POU6F2: variants seen among roughly 807,000 people sequenced by gnomAD.
POU6F2 encodes POU domain, class 6, transcription factor 2.
Under a neutral mutation model 71.3 loss-of-function variants are expected in POU6F2, and 31 were observed. The ratio of observed to expected loss-of-function variants is 0.43; its 90% CI spans 0.33 to 0.59. The LOEUF is 0.59. POU6F2 is among the 20% of genes least tolerant of loss of function. POU6F2 has a pLI of 0.04. For synonymous variants in POU6F2, 347 were observed against 355.7 expected (o/e 0.98, Z 0.27); for missense variants, 783 against 856.8 (o/e 0.91, Z 1.07).
At chr7:39,167,032 C>A (rs1248927432) in intron 2 of POU6F2, among the ~76,000 whole-genome samples, 1 of 152,138 alleles carries the variant, frequency 6.6e-6, no homozygotes, top group Non-Finnish European at 1.5e-5. Flanking sequence ...TTTCCTCACA[C>A]CTCACACCCC....
chr7:39,337,001 T>A (rs1044433143), intron 4 of POU6F2, among the ~76,000 whole-genome samples: 14 of 152,182 alleles, frequency 9.2e-5, no homozygotes, highest in Non-Finnish European at 1.6e-4. Context: ...CTTGTGTAAA[T>A]CCCATCCGAT....
intron 1 of POU6F2, among the ~76,000 whole-genome samples, chr7:39,054,395 A>G (rs919292076): frequency 2.6e-5 from 4 of 152,158 alleles, no homozygotes; most frequent in Admixed American, 2.6e-4. Flanking sequence ...GCCACAGGAA[A>G]TTTAAGCAAC....
At chr7:38,988,915 T>C (rs567206111) in intron 1 of POU6F2, among the ~76,000 whole-genome samples, 1 of 152,250 alleles carries the variant, frequency 6.6e-6, no homozygotes, top group African/African-American at 2.4e-5. Context: ...TACAGCAACA[T>C]CTCATTTACT....
intron 2 of POU6F2, among the ~76,000 whole-genome samples, chr7:39,099,331 G>A (rs1338590808): frequency 6.6e-6 from 1 of 152,242 alleles, no homozygotes; most frequent in African/African-American, 2.4e-5. Context: ...TACCCTGGGG[G>A]CAGCCTGCCT....
chr7:39,278,337 G>T lies in POU6F2; in HGVS notation c.599-61305G>T, dbSNP rs181323426. On this transcript the variant is annotated intron_variant, in intron 4 of 9. Coordinates refer to ENST00000518318, the MANE Select transcript of POU6F2 (RefSeq NM_001370959.1). ...GACACAAACCAATGGCATTGAGCCT[G>T]TTTATGGTCACCTTCTGCATGGTGT... Among the ~76,000 whole-genome samples, 17 of 152,258 alleles carry T rather than the reference G, an allele frequency of 1.1e-4. No individual in the cohort carries two copies. In the East Asian group the frequency reaches 3.3e-3, roughly 29 times the overall value.
intron 4 of POU6F2, among the ~76,000 whole-genome samples, chr7:39,226,499 A>G (rs1340790117): frequency 6.6e-6 from 1 of 152,240 alleles, no homozygotes; most frequent in East Asian, 1.9e-4. Flanking sequence ...GCAACACAGA[A>G]GCTTCTCCTT....
intron 4 of POU6F2, among the ~76,000 whole-genome samples, chr7:39,259,182 CACAAT>C (rs1784085999): frequency 6.6e-6 from 1 of 152,194 alleles, no homozygotes; most frequent in African/African-American, 2.4e-5. Context: ...CTGCCTCCAT[CACAAT>C]ACATTTTATA....
intron 4 of POU6F2, among the ~76,000 whole-genome samples, chr7:39,295,202 A>C (rs1784824254): frequency 6.6e-6 from 1 of 151,480 alleles, no homozygotes; most frequent in Non-Finnish European, 1.5e-5. Context: ...CACAGTTATC[A>C]GAGTCCTAAA....
At chr7:39,251,233 T>C (rs527319174) in intron 4 of POU6F2, among the ~76,000 whole-genome samples, 2 of 152,246 alleles carry the variant, frequency 1.3e-5, no homozygotes, top group Non-Finnish European at 2.9e-5. Flanking sequence ...GGCTGCCTGC[T>C]TTTTGTGATC....
chr7:39,246,598 G>A (rs569889027), intron 4 of POU6F2, among the ~76,000 whole-genome samples: 1 of 152,174 alleles, frequency 6.6e-6, no homozygotes. Flanking sequence ...TGGGATAAAA[G>A]AACAACCTAA....
chr7:39,226,601 A>G (rs577915075), intron 4 of POU6F2, among the ~76,000 whole-genome samples: 39 of 152,316 alleles, frequency 2.6e-4, no homozygotes, highest in African/African-American at 9.4e-4. Flanking sequence ...TTCACTTTAA[A>G]CCATTTTTTT....
Position 39,349,361 on chromosome 7 carries a change from C to T in POU6F2, c.972+9346C>T, listed in dbSNP as rs78749327. The stretch of plus-strand genomic sequence containing the variant: ...CCATTGTCTCTAGTGCTCACACAAC[C>T]GGAGTCCTGCCTCCTCATGCCACAG... On this transcript the variant is annotated intron_variant, in intron 5 of 9. Coordinates refer to ENST00000518318, the MANE Select transcript of POU6F2 (RefSeq NM_001370959.1). Among the ~76,000 whole-genome samples, 625 of 152,232 alleles carry T rather than the reference C, an allele frequency of 4.1e-3. 39 individuals are homozygous for T. The East Asian group carries it at 0.11, about 27-fold the overall frequency.
intron 4 of POU6F2, among the ~76,000 whole-genome samples, chr7:39,246,271 G>A (rs899704854): frequency 6.6e-6 from 1 of 152,174 alleles, no homozygotes; most frequent in Non-Finnish European, 1.5e-5. Context: ...ACCAAGGAAG[G>A]CCTGGTTTCT....
intron 2 of POU6F2, among the ~76,000 whole-genome samples, chr7:39,093,429 A>G (rs17171536): frequency 0.042 from 6,428 of 152,166 alleles, 446 homozygotes; most frequent in African/African-American, 0.14. Flanking sequence ...TTTAGCTCAC[A>G]AATGAAGTAG....
chr7:39,438,780 T>G (rs1362330625), intron 7 of POU6F2, among the ~76,000 whole-genome samples: 1 of 152,236 alleles, frequency 6.6e-6, no homozygotes, highest in Non-Finnish European at 1.5e-5. Context: ...CTTCCAATTA[T>G]GTGGTTGATT....
chr7:39,211,552 G>A lies in POU6F2; in HGVS notation c.598+3932G>A, dbSNP rs535429240. Among the ~76,000 whole-genome samples the A allele has an allele frequency of 2.0e-5, 3 of 152,238 alleles. No individual in the cohort carries two copies. In the South Asian group the frequency reaches 6.2e-4, roughly 32 times the overall value. On this transcript the variant is annotated intron_variant, in intron 4 of 9. Transcript: ENST00000518318. The stretch of plus-strand genomic sequence containing the variant: ...AGCAGAAAACCTGTATGTGTGGCCT[G>A]GGAATTATTTTATCTTTCTCTCAGA...
At chr7:39,127,699 G>A (rs1584556223) in intron 2 of POU6F2, among the ~76,000 whole-genome samples, 1 of 152,036 alleles carries the variant, frequency 6.6e-6, no homozygotes, top group African/African-American at 2.4e-5. Flanking sequence ...GAGAGATTGA[G>A]TCACGTGGAG....
chr7:39,396,726 C>G (rs2115853729), intron 5 of POU6F2, among the ~76,000 whole-genome samples: 1 of 152,278 alleles, frequency 6.6e-6, no homozygotes, highest in East Asian at 1.9e-4. Flanking sequence ...GGCCTCAAAG[C>G]AGCAGCACTT....
chr7:38,993,813 G>A (rs777037394), intron 1 of POU6F2, among the ~76,000 whole-genome samples: 12 of 152,016 alleles, frequency 7.9e-5, no homozygotes, highest in Non-Finnish European at 1.3e-4. Flanking sequence ...TGCGTATTTC[G>A]GAGCACTGGC....
Sources: allele counts gnomAD v4.1 joint callset (sites outside exome capture counted in the v4.1 genomes callset), GRCh38; gene constraint gnomAD v4.1.1; transcripts MANE v1.5; gene names NCBI Gene and HGNC (gene_info 2026-07-23, HGNC 2026-07-21).